ZFAT: variants seen among roughly 807,000 people sequenced by gnomAD.
The protein encoded by ZFAT is zinc finger and AT-hook domain containing, also known as zinc finger protein ZFAT.
ZFAT carries 64 observed loss-of-function variants against 117.7 expected under a neutral mutation model. That is an observed-to-expected ratio of 0.54 (90% CI 0.44 to 0.67). The LOEUF (loss-of-function observed/expected upper bound fraction) is 0.67. Among genes scored for constraint, ZFAT ranks in the 30% least tolerant of loss-of-function variants. The pLI is 0.00. For synonymous variants in ZFAT, 679 were observed against 615.0 expected, an observed-to-expected ratio of 1.10 and a Z score of -1.54; for missense variants, 1,433 against 1,584.5, an observed-to-expected ratio of 0.90 and a Z score of 1.62.
chr8:134,730,588 T>C, the ZFAT span, among the ~76,000 whole-genome samples: 2 of 152,178 alleles, frequency 1.3e-5, no homozygotes, highest in African/African-American at 2.4e-5. Flanking sequence ...AGGTGGCCAG[T>C]AGACATTAAC....
chr8:134,678,181 T>C (rs1832897701), intron 1 of ZFAT, among the ~76,000 whole-genome samples: 1 of 152,234 alleles, frequency 6.6e-6, no homozygotes, highest in Non-Finnish European at 1.5e-5. Flanking sequence ...GAAGACATGA[T>C]TGTATATTTA....
intron 7 of ZFAT, among the ~76,000 whole-genome samples, chr8:134,590,791 CCAT>C (rs1343146409): frequency 3.2e-5 from 4 of 125,088 alleles, no homozygotes; most frequent in Admixed American, 9.5e-5. Flanking sequence ...AGCACTGCCA[CCAT>C]CACCACCACC....
intron 7 of ZFAT, among the ~76,000 whole-genome samples, chr8:134,590,745 CCAG>C (rs1397361679): frequency 6.6e-6 from 1 of 151,176 alleles, no homozygotes; most frequent in Non-Finnish European, 1.5e-5. Context: ...ACCACCACCA[CCAG>C]CACTATCAAC....
intron 11 of ZFAT, among the ~76,000 whole-genome samples, chr8:134,562,990 T>C (rs1824157548): frequency 6.6e-6 from 1 of 152,138 alleles, no homozygotes; most frequent in Non-Finnish European, 1.5e-5. Flanking sequence ...GCCAGGAAAA[T>C]AATTAACCTC....
intron 14 of ZFAT, 116 bp from the exon 15 acceptor site, chr8:134,509,865 C>T (rs1223925706): frequency 2.3e-6 from 3 of 1,329,330 alleles, no homozygotes; most frequent in Non-Finnish European, 3.1e-6. Flanking sequence ...GATGCATGGG[C>T]TCTCCGTAAT....
intron 1 of ZFAT, among the ~76,000 whole-genome samples, chr8:134,662,390 G>A (rs1420807806): frequency 6.6e-6 from 1 of 152,224 alleles, no homozygotes; most frequent in Non-Finnish European, 1.5e-5. Context: ...CCCTTAGGGA[G>A]AAGGTGGAAG....
chr8:134,550,140 A>G (rs1823020336), intron 11 of ZFAT, among the ~76,000 whole-genome samples: 1 of 152,202 alleles, frequency 6.6e-6, no homozygotes, highest in Non-Finnish European at 1.5e-5. Flanking sequence ...ACTCTGGTCT[A>G]TAATCCAAGT....
intron 1 of ZFAT, among the ~76,000 whole-genome samples, chr8:134,702,731 G>C (rs1032042778): frequency 5.3e-5 from 8 of 151,712 alleles, no homozygotes; most frequent in African/African-American, 1.7e-4. Context: ...GAGTACAGTG[G>C]CGCGATCTCG....
At chr8:134,724,178 C>T in the ZFAT span, among the ~76,000 whole-genome samples, 3 of 152,106 alleles carry the variant, frequency 2.0e-5, no homozygotes, top group Non-Finnish European at 2.9e-5. Flanking sequence ...TGTAAAGAAA[C>T]TTTGGGACTG....
intron 11 of ZFAT, among the ~76,000 whole-genome samples, chr8:134,548,464 A>G (rs75797648): frequency 0.022 from 3,358 of 152,260 alleles, 122 homozygotes; most frequent in African/African-American, 0.076. Flanking sequence ...CGGGAACCAG[A>G]GGCCAGGCAG....
chr8:134,657,482 C>A, intron 2 of ZFAT, 79 bp downstream of exon 2: 1 of 1,366,458 alleles, frequency 7.3e-7, no homozygotes, highest in Admixed American at 2.4e-5. Context: ...ATTTTCTAGG[C>A]TTCTGCTATG....
chr8:134,501,862 G>A (rs1184376399), intron 15 of ZFAT, among the ~76,000 whole-genome samples: 1 of 152,180 alleles, frequency 6.6e-6, no homozygotes. Flanking sequence ...ACAGAAAAAT[G>A]GGATGGACTT....
At position 134,509,730 on chromosome 8, in the gene ZFAT, C is replaced by T. The variant is rs747286219; in HGVS notation, c.3381G>A (p.Thr1127=). 32 of 1,608,368 alleles carry T rather than the reference C, an allele frequency of 2.0e-5. No homozygotes were observed. Among genetic ancestry groups the T allele is most frequent in the East Asian group, 4.5e-5 (2 of 44,702 alleles). ...TSESGDRLDP[T]AVNILQQIIE... Reference sequence around the variant, plus strand: ...TGATCTGCTGCAGGATGTTCACGGCCGTGGGGTCCAGTCGGTCGCCTTAAG... The same window carrying T: ...TGATCTGCTGCAGGATGTTCACGGCTGTGGGGTCCAGTCGGTCGCCTTAAG... The change falls in exon 15 of 16, where the codon ACG becomes ACA. Residue 1127 remains threonine (T), a synonymous_variant. Coordinates refer to ENST00000377838, the MANE Select transcript of ZFAT (RefSeq NM_020863.4).
At chr8:134,821,549 T>TA in the ZFAT span, among the ~76,000 whole-genome samples, 65 of 141,062 alleles carry the variant, frequency 4.6e-4, no homozygotes, top group South Asian at 6.8e-4. Context: ...GCATGCGGTT[T>TA]AAAAAAAAAA....
In ZFAT at chr8:134,590,303, C is replaced by A; in HGVS notation, c.2528G>T (p.Arg843Leu). ...PVCEKSFSED[R>L]LIKSHIKTNH... ...GGTCTTGATATGTGACTTTATCAATCGATCCTCTGAAAAAGACTTTTCACA... is the reference window on the plus strand; with the variant it reads ...GGTCTTGATATGTGACTTTATCAATAGATCCTCTGAAAAAGACTTTTCACA... The change falls in exon 8 of 16, where the codon CGA (arginine) becomes CTA (leucine). Residue 843 changes from arginine (R) to leucine (L), a missense_variant. By Grantham distance (102) the Arg-to-Leu change is moderately radical. Transcript: ENST00000377838. 6.2e-7 allele frequency: 1 copy of A among 1,613,232 alleles called. No individual in the cohort carries two copies. Among genetic ancestry groups the A allele is most frequent in the Non-Finnish European group, 8.5e-7 (1 of 1,179,310 alleles).
chr8:134,794,689 T>C, the ZFAT span: 1 of 152,232 alleles, frequency 6.6e-6, no homozygotes, highest in Non-Finnish European at 1.5e-5. Flanking sequence ...TGAATGCTTG[T>C]GTAAAAAATT....
chr8:134,569,610 A>G (rs985079453), intron 10 of ZFAT, among the ~76,000 whole-genome samples: 2 of 152,020 alleles, frequency 1.3e-5, no homozygotes, highest in African/African-American at 4.8e-5. Flanking sequence ...TGCTACTCAG[A>G]GGCCCCATTA....
chr8:134,627,670 C>T (rs1829606296), intron 3 of ZFAT, among the ~76,000 whole-genome samples: 2 of 152,134 alleles, frequency 1.3e-5, no homozygotes, highest in South Asian at 2.1e-4. Flanking sequence ...GGGTTTCCCA[C>T]CCATTAGATA....
At chr8:134,499,684 G>A (rs1005736743) in intron 15 of ZFAT, among the ~76,000 whole-genome samples, 1 of 152,244 alleles carries the variant, frequency 6.6e-6, no homozygotes, top group Non-Finnish European at 1.5e-5. Context: ...GGGGTGCGGT[G>A]GAGCCAGCGA....
Sources: allele counts gnomAD v4.1 joint callset (sites outside exome capture counted in the v4.1 genomes callset), GRCh38; gene constraint gnomAD v4.1.1; transcripts MANE v1.5; gene names NCBI Gene and HGNC (gene_info 2026-07-23, HGNC 2026-07-21).